Variants in AR observed in about 807,000 individuals in gnomAD.
AR encodes androgen receptor.
A neutral mutation model predicts 53.9 loss-of-function variants in AR; 8 were observed. That is an observed-to-expected ratio of 0.15 (90% CI 0.09 to 0.27). The LOEUF (loss-of-function observed/expected upper bound fraction) is 0.27. AR is among the 10% of genes least tolerant of loss of function. The probability of loss-of-function intolerance (pLI) is 1.00; values close to 1 mark genes in which losing one functional copy is unlikely to be tolerated. For missense variants in AR, 639 were observed against 742.5 expected (o/e 0.86, Z 1.62); for synonymous variants, 359 against 316.4 (o/e 1.13, Z -1.43).
rs1286298463 is a variant in AR at position 67,727,025 on chromosome X, A to G, written c.*3184A>G. The G allele has an allele frequency of 5.8e-6, 1 of 172,717 alleles. No individual in the cohort carries two copies. Among genetic ancestry groups the G allele is most frequent in the Non-Finnish European group, 1.1e-5 (1 of 90,167 alleles). The allele number at this position is 172,717 out of a possible 1,213,427, so 14.2% of individuals were successfully genotyped here. On this transcript the variant is annotated 3_prime_UTR_variant, in exon 8 of 8. Coordinates refer to ENST00000374690, the MANE Select transcript of AR (RefSeq NM_000044.6). The stretch of plus-strand genomic sequence containing the variant: ...GGAGAAGGCTCCGTCTGTGCTGGGC[A>G]GCAGACAGCTGCCAGGATCACGAAC...
rs1224297317 is a variant in AR, at chrX:67,546,566, G to C, written c.1420G>C (p.Glu474Gln). Residue 474 changes from glutamate (E) to glutamine (Q), a missense_variant, in exon 1 of 8, where the codon GAG (glutamate) becomes CAG (glutamine). Physicochemically the swap from Glu to Gln is conservative, Grantham distance 29. This residue lies in a region of AR where 423 missense variants were observed against 377.0 expected (regional missense o/e 1.12). Coordinates refer to ENST00000374690, the MANE Select transcript of AR (RefSeq NM_000044.6). ...CGGCGGCGGCGGCGGCGGCGGCGGC[G>C]AGGCGGGAGCTGTAGCCCCCTACGG... ...GGGGGGGGGG[E>Q]AGAVAPYGYT... 1 of 991,232 alleles carries C rather than the reference G, an allele frequency of 1.0e-6. No individual in the cohort carries two copies. Among genetic ancestry groups the C allele is most frequent in the Non-Finnish European group, 1.3e-6 (1 of 781,549 alleles). 81.7% of individuals were successfully genotyped at this position (991,232 alleles called of 1,213,427 possible).
intron 2 of AR, among the ~76,000 whole-genome samples, chrX:67,657,731 C>G (rs1926658191): frequency 8.9e-6 from 1 of 111,840 alleles, no homozygotes; most frequent in East Asian, 2.8e-4. Flanking sequence ...TAAAACTTGT[C>G]TTCATTTCCT....
intron 3 of AR, among the ~76,000 whole-genome samples, chrX:67,699,858 A>G (rs1002236818): frequency 5.4e-5 from 6 of 111,478 alleles, no homozygotes; most frequent in African/African-American, 9.8e-5. Flanking sequence ...GAGAAGGCCT[A>G]TATCTTGGAG....
At chrX:67,631,008 T>A (rs759594151) in intron 1 of AR, among the ~76,000 whole-genome samples, 1 of 111,918 alleles carries the variant, frequency 8.9e-6, no homozygotes, top group African/African-American at 3.2e-5. Context: ...CCGAGAGATC[T>A]GCTGTTAGTC....
chrX:67,690,718 C>T (rs2075991241), intron 3 of AR, among the ~76,000 whole-genome samples: 1 of 111,826 alleles, frequency 8.9e-6, no homozygotes, highest in Non-Finnish European at 1.9e-5. Flanking sequence ...TATTCCTTTC[C>T]TCAAAAATTT....
rs3032358 is a variant in AR at position 67,545,316 on chromosome X, T to TGCA, written c.237_239dup (p.Gln80dup). 0.039 allele frequency: 38,940 copies of TGCA among 989,447 alleles called. 2,419 individuals are homozygous for TGCA. Among genetic ancestry groups the TGCA allele is most frequent in the East Asian group, 0.11 (3,146 of 28,969 alleles). 81.5% of individuals were successfully genotyped at this position (989,447 alleles called of 1,213,427 possible). The stretch of plus-strand genomic sequence containing the variant: ...CCTCCCGGCGCCAGTTTGCTGCTGC[T>TGCA]GCAGCAGCAGCAGCAGCAGCAGCAG... On this transcript the variant is annotated inframe_insertion, in exon 1 of 8. Transcript: ENST00000374690.
At chrX:67,720,879 T>TAC (rs113739371) in intron 5 of AR, among the ~76,000 whole-genome samples, 7,785 of 100,643 alleles carry the variant, frequency 0.077, 231 homozygotes, top group Non-Finnish European at 0.085. Context: ...ATTTCTGTCT[T>TAC]ACACACACAC....
At chrX:67,664,921 C>T (rs1332503122) in intron 2 of AR, among the ~76,000 whole-genome samples, 1 of 112,862 alleles carries the variant, frequency 8.9e-6, no homozygotes, top group Non-Finnish European at 1.9e-5. Context: ...GAGCCAGGCA[C>T]AGGATATAAT....
rs908648296 is a variant in AR, at chrX:67,677,420, C to A, written c.1769-8590C>A. Among the ~76,000 whole-genome samples the A allele has an allele frequency of 3.6e-5, 4 of 111,428 alleles. No homozygotes were observed. In the East Asian group the frequency reaches 1.1e-3, roughly 32 times the overall value. ...GTGAGACTACAAAAAAAGAATGCACCGTACCCTTATCTCTTGCACAATCTA... is the reference window on the plus strand; with the variant it reads ...GTGAGACTACAAAAAAAGAATGCACAGTACCCTTATCTCTTGCACAATCTA... On this transcript the variant is annotated intron_variant, in intron 2 of 7. Transcript: ENST00000374690.
At chrX:67,700,073 C>T (rs1352347905) in intron 3 of AR, among the ~76,000 whole-genome samples, 1 of 111,561 alleles carries the variant, frequency 9.0e-6, no homozygotes, top group Non-Finnish European at 1.9e-5. Flanking sequence ...GGCATGATAT[C>T]AGGCCAGGTG....
At chrX:67,595,634 G>A (rs1433858015) in intron 1 of AR, among the ~76,000 whole-genome samples, 1 of 74,472 alleles carries the variant, frequency 1.3e-5, no homozygotes, top group Non-Finnish European at 2.6e-5. Context: ...CATAAACCCT[G>A]TCTTTCCAAA....
chrX:67,544,570 G>A lies in AR; in HGVS notation c.-577G>A, dbSNP rs1044667920. 6.6e-5 allele frequency: 11 copies of A among 165,746 alleles called. No homozygotes were observed. Among genetic ancestry groups the A allele is most frequent in the Non-Finnish European group, 1.1e-4 (10 of 88,529 alleles). The allele number at this position is 165,746 out of a possible 1,213,427, so 13.7% of individuals were successfully genotyped here. A position where few individuals can be genotyped will look rare whatever the true frequency, so the allele number is the denominator to read the frequency against. ...CAAAGAAGGCTCTTAGGAGCCAGGCGACTGGGGAGCGGCTTCAGCACTGCA... is the reference window on the plus strand; with the variant it reads ...CAAAGAAGGCTCTTAGGAGCCAGGCAACTGGGGAGCGGCTTCAGCACTGCA... On this transcript the variant is annotated 5_prime_UTR_variant, in exon 1 of 8. Transcript: ENST00000374690.
rs370224798 is a variant in AR, at chrX:67,562,151, C to T, written c.1616+15389C>T. On this transcript the variant is annotated intron_variant, in intron 1 of 7. Coordinates refer to ENST00000374690, the MANE Select transcript of AR (RefSeq NM_000044.6). ...ATTTCTTTATTTATTTTAGTAGAGACGGAGATTTCATCATGTTGGCCAAGC... is the reference window on the plus strand; with the variant it reads ...ATTTCTTTATTTATTTTAGTAGAGATGGAGATTTCATCATGTTGGCCAAGC... 3.7e-4 allele frequency among the ~76,000 whole-genome samples: 40 copies of T among 108,027 alleles called. No individual in the cohort carries two copies. In the South Asian group the frequency reaches 0.015, roughly 39 times the overall value. 93.8% of individuals were successfully genotyped at this position (108,027 alleles called of 115,157 possible).
chrX:67,584,341 G>A (rs1318830826), intron 1 of AR, among the ~76,000 whole-genome samples: 2 of 111,901 alleles, frequency 1.8e-5, no homozygotes, highest in Non-Finnish European at 3.8e-5. Flanking sequence ...CACTGGCTAT[G>A]GTCTTTGTGA....
At chrX:67,626,436 CTTTTTTTTTT>C (rs1233324601) in intron 1 of AR, among the ~76,000 whole-genome samples, 5 of 46,810 alleles carry the variant, frequency 1.1e-4, no homozygotes, top group African/African-American at 1.5e-4. Flanking sequence ...CAGGCTCTCT[CTTTTTTTTTT>C]TTTTTTTTTT....
At chrX:67,723,113 C>A in intron 7 of AR, 129 bp downstream of exon 7, 1 of 837,872 alleles carries the variant, frequency 1.2e-6, no homozygotes, top group Non-Finnish European at 1.7e-6. Context: ...TGAGTGTGGT[C>A]CAGGAAGAAA....
chrX:67,667,510 G>A (rs907281326), intron 2 of AR, among the ~76,000 whole-genome samples: 1 of 111,219 alleles, frequency 9.0e-6, no homozygotes, highest in South Asian at 3.7e-4. Context: ...GTTTTGCTCT[G>A]TTCTTTTTCC....
chrX:67,648,817 C>A (rs759209663), intron 2 of AR, among the ~76,000 whole-genome samples: 1 of 112,082 alleles, frequency 8.9e-6, no homozygotes, highest in African/African-American at 3.2e-5. Flanking sequence ...ACTTGCAAGA[C>A]CTTTTGAGTC....
rs928601056 is a variant in AR, at chrX:67,723,920, T to G, written c.*79T>G. The G allele has an allele frequency of 1.7e-5, 19 of 1,106,280 alleles. 1 individual carries two copies. Among genetic ancestry groups the G allele is most frequent in the African/African-American group, 7.3e-5 (4 of 54,961 alleles). The allele number at this position is 1,106,280 out of a possible 1,213,427, so 91.2% of individuals were successfully genotyped here. On this transcript the variant is annotated 3_prime_UTR_variant, in exon 8 of 8. Transcript: ENST00000374690. Reference sequence around the variant, plus strand: ...TCTGCCTGTTATAACTCTGCACTACTCCTCTGCAGTGCCTTGGGGAATTTC... The same window carrying G: ...TCTGCCTGTTATAACTCTGCACTACGCCTCTGCAGTGCCTTGGGGAATTTC...
Sources: allele counts gnomAD v4.1 joint callset (sites outside exome capture counted in the v4.1 genomes callset), GRCh38; gene constraint gnomAD v4.1.1; regional missense constraint gnomAD v4.1.1; transcripts MANE v1.5; gene names NCBI Gene and HGNC (gene_info 2026-07-23, HGNC 2026-07-21).